GPR158: variants seen among roughly 807,000 people sequenced by gnomAD.
The protein encoded by GPR158 is metabotropic glycine receptor.
Under a neutral mutation model 78.2 loss-of-function variants are expected in GPR158, and 30 were observed. The ratio of observed to expected loss-of-function variants is 0.38; its 90% confidence interval spans 0.29 to 0.52. The LOEUF is 0.52. GPR158 is among the 20% of genes least tolerant of loss of function. GPR158 has a pLI of 0.83. For synonymous variants in GPR158, 581 were observed against 591.1 expected (o/e 0.98, Z 0.25); for missense variants, 1,463 against 1,523.5 (o/e 0.96, Z 0.66).
chr10:25,451,403 A>G (rs1451950727), intron 4 of GPR158, among the ~76,000 whole-genome samples: 3 of 152,208 alleles, frequency 2.0e-5, no homozygotes, highest in East Asian at 1.9e-4. Context: ...GCATTTCCCA[A>G]TTACTTGTGA....
chr10:25,472,990 T>C (rs1387169586), intron 5 of GPR158, among the ~76,000 whole-genome samples: 1 of 152,062 alleles, frequency 6.6e-6, no homozygotes, highest in Non-Finnish European at 1.5e-5. Context: ...TCCAACACTA[T>C]GTTGAATAGG....
rs1837462392 is a variant in GPR158, at chr10:25,599,424, CA to C, written c.*151del. On this transcript the variant is annotated 3_prime_UTR_variant, in exon 11 of 11. Coordinates refer to ENST00000376351, the MANE Select transcript of GPR158 (RefSeq NM_020752.3). ...GTCAAAGGCATGGGTAGAAGAGGAC[CA>C]GGGGGGCAAGAGCAACAACGTCATA... 3.1e-6 allele frequency: 2 copies of C among 635,690 alleles called. No homozygotes were observed. The highest frequency in any genetic ancestry group is 2.1e-5 in the South Asian group (1 of 48,308). The allele number at this position is 635,690 out of a possible 1,614,324, so 39.4% of individuals were successfully genotyped here.
chr10:25,433,575 G>GTGTA (rs1834949100), intron 4 of GPR158, among the ~76,000 whole-genome samples: 2 of 145,706 alleles, frequency 1.4e-5, no homozygotes, highest in African/African-American at 5.2e-5. Context: ...GTGTGTGCGC[G>GTGTA]CGCGCGTGCG....
At chr10:25,200,662 T>C (rs1259982768) in intron 1 of GPR158, among the ~76,000 whole-genome samples, 1 of 152,194 alleles carries the variant, frequency 6.6e-6, no homozygotes, top group Non-Finnish European at 1.5e-5. Flanking sequence ...TGATCTTGAA[T>C]TGATTTTTGT....
intron 4 of GPR158, among the ~76,000 whole-genome samples, chr10:25,433,343 C>G (rs569695735): frequency 6.6e-6 from 1 of 151,196 alleles, no homozygotes; most frequent in Non-Finnish European, 1.5e-5. Context: ...TGAAACTTAA[C>G]GTGCCAGATG....
At chr10:25,337,867 TTC>T (rs1261534945) in intron 2 of GPR158, among the ~76,000 whole-genome samples, 9 of 152,062 alleles carry the variant, frequency 5.9e-5, no homozygotes, top group African/African-American at 2.2e-4. Flanking sequence ...CTATTTTCAT[TTC>T]TCTGATAACT....
intron 2 of GPR158, among the ~76,000 whole-genome samples, chr10:25,221,900 GTT>G (rs1853304152): frequency 6.6e-6 from 1 of 152,142 alleles, no homozygotes; most frequent in African/African-American, 2.4e-5. Flanking sequence ...GATTCCATGA[GTT>G]TGTGAGGAAA....
At chr10:25,419,693 A>G (rs907125008) in intron 4 of GPR158, among the ~76,000 whole-genome samples, 2 of 152,102 alleles carry the variant, frequency 1.3e-5, no homozygotes, top group Non-Finnish European at 2.9e-5. Context: ...TTTTAGTATT[A>G]GCCATCTTAA....
intron 4 of GPR158, among the ~76,000 whole-genome samples, chr10:25,438,735 C>T (rs535108225): frequency 7.2e-5 from 11 of 152,294 alleles, no homozygotes; most frequent in Admixed American, 2.6e-4. Flanking sequence ...TTCAAGGCAT[C>T]TTGAGCCAGT....
At chr10:25,378,948 C>T (rs1317996602) in intron 2 of GPR158, among the ~76,000 whole-genome samples, 1 of 152,068 alleles carries the variant, frequency 6.6e-6, no homozygotes, top group Non-Finnish European at 1.5e-5. Context: ...TACTACTACA[C>T]CTTGCTGATT....
At chr10:25,324,755 G>A (rs78487502) in intron 2 of GPR158, among the ~76,000 whole-genome samples, 2,328 of 151,576 alleles carry the variant, frequency 0.015, 69 homozygotes, top group African/African-American at 0.053. Context: ...CTGCCTGTGT[G>A]TCTTCTTCTA....
At chr10:25,283,435 T>C (rs2130756287) in intron 2 of GPR158, among the ~76,000 whole-genome samples, 1 of 152,146 alleles carries the variant, frequency 6.6e-6, no homozygotes, top group Non-Finnish European at 1.5e-5. Flanking sequence ...TTGCAAATTC[T>C]TTTTTGTGAA....
intron 6 of GPR158, among the ~76,000 whole-genome samples, chr10:25,565,676 G>T (rs7358105): frequency 1.1e-4 from 17 of 152,064 alleles, no homozygotes; most frequent in Admixed American, 2.6e-4. Flanking sequence ...TCCCCTCACT[G>T]GGCCTCAGAA....
intron 2 of GPR158, among the ~76,000 whole-genome samples, chr10:25,259,875 T>G (rs1853944799): frequency 6.6e-6 from 1 of 152,152 alleles, no homozygotes; most frequent in African/African-American, 2.4e-5. Flanking sequence ...AATTGCTTTT[T>G]TTTGACTTTT....
At chr10:25,433,884 G>T (rs1379083530) in intron 4 of GPR158, among the ~76,000 whole-genome samples, 5 of 151,650 alleles carry the variant, frequency 3.3e-5, no homozygotes, top group Admixed American at 3.3e-4. Flanking sequence ...AATTGGTCAG[G>T]CGCGGTGGCT....
intron 2 of GPR158, among the ~76,000 whole-genome samples, chr10:25,375,573 T>A (rs1376192269): frequency 6.6e-6 from 1 of 151,636 alleles, no homozygotes; most frequent in Admixed American, 6.6e-5. Context: ...TTAGGTCAGT[T>A]TTTTGTTTTC....
At chr10:25,451,564 C>T (rs1564459236) in intron 4 of GPR158, among the ~76,000 whole-genome samples, 1 of 152,180 alleles carries the variant, frequency 6.6e-6, no homozygotes, top group African/African-American at 2.4e-5. Context: ...TATCCAGATA[C>T]TATTTTAAAA....
At chr10:25,216,355 G>C (rs1404290437) in intron 1 of GPR158, among the ~76,000 whole-genome samples, 1 of 152,128 alleles carries the variant, frequency 6.6e-6, no homozygotes, top group Non-Finnish European at 1.5e-5. Flanking sequence ...ATTGTCCAAG[G>C]TAACATGAGG....
At chr10:25,537,983 A>G (rs1836522750) in intron 5 of GPR158, among the ~76,000 whole-genome samples, 1 of 152,142 alleles carries the variant, frequency 6.6e-6, no homozygotes, top group East Asian at 1.9e-4. Flanking sequence ...AATTTCAGGT[A>G]TTTCTTTATA....
Sources: allele counts gnomAD v4.1 joint callset (sites outside exome capture counted in the v4.1 genomes callset), GRCh38; gene constraint gnomAD v4.1.1; transcripts MANE v1.5; gene names NCBI Gene and HGNC (gene_info 2026-07-23, HGNC 2026-07-21).